The following CACNA2D2 variants were observed in gnomAD, a reference collection of about 807,000 sequenced individuals.
The protein encoded by CACNA2D2 is calcium voltage-gated channel auxiliary subunit alpha2delta 2, also known as voltage-dependent calcium channel subunit alpha-2/delta-2.
A neutral mutation model predicts 166.4 loss-of-function variants in CACNA2D2; 48 were observed. The ratio of observed to expected loss-of-function variants is 0.29; its 90% CI spans 0.23 to 0.37. The LOEUF is 0.37. CACNA2D2 is among the 10% of genes least tolerant of loss of function. The pLI, the probability that CACNA2D2 is intolerant of heterozygous loss-of-function variation, is 1.00. For missense variants in CACNA2D2, 1,122 were observed against 1,433.0 expected, an observed-to-expected ratio of 0.78 and a Z score of 3.50; for synonymous variants, 561 against 573.7, an observed-to-expected ratio of 0.98 and a Z score of 0.32.
chr3:50,454,139 C>A (rs1054055979), intron 2 of CACNA2D2, among the ~76,000 whole-genome samples: 2 of 152,244 alleles, frequency 1.3e-5, no homozygotes, highest in Non-Finnish European at 2.9e-5. Flanking sequence ...ATGGGCCACA[C>A]AGGCGCACCC....
chr3:50,404,211 T>A (rs1706582326), intron 3 of CACNA2D2, among the ~76,000 whole-genome samples: 1 of 151,868 alleles, frequency 6.6e-6, no homozygotes, highest in South Asian at 2.1e-4. Flanking sequence ...GGGGTGAAGG[T>A]GTGAGTGGGG....
At position 50,442,809 on chromosome 3, in the gene CACNA2D2, C is replaced by T. The variant is rs1447810143; in HGVS notation, c.289-8380G>A. ...TAGAGGGAGGAGGGCATGGACCCCA[C>T]TGGAGGGGCATCTGTTGCCTGAACT... On this transcript the variant is annotated intron_variant, in intron 2 of 37. Transcript: ENST00000424201. Among the ~76,000 whole-genome samples the T allele has an allele frequency of 3.9e-5, 6 of 152,190 alleles. No individual in the cohort carries two copies. In the South Asian group the frequency reaches 1.2e-3, roughly 32 times the overall value.
In CACNA2D2 at chr3:50,375,405, G is replaced by A. The variant is rs931208704; in HGVS notation, c.1907+239C>T. On this transcript the variant is annotated intron_variant, in intron 21 of 37. Transcript: ENST00000424201. This position sits in a 1 kb window ranked among gnomAD's most constrained non-coding sequence, Gnocchi z 4.0. Reference sequence around the variant, plus strand: ...GAGGCAGGCTGACAGCATGCCAAGGGCAGTATCCTGGGATGAGGAGACTTT... The same window carrying A: ...GAGGCAGGCTGACAGCATGCCAAGGACAGTATCCTGGGATGAGGAGACTTT... 5.9e-5 allele frequency among the ~76,000 whole-genome samples: 9 copies of A among 152,238 alleles called. No homozygotes were observed. The highest frequency in any genetic ancestry group is 2.2e-4 in the African/African-American group (9 of 41,454).
rs1370815868 is a variant in CACNA2D2, at chr3:50,502,400, A to G, written c.206+818T>C. ...CCACATGCACTGAACATCCACTCCC[A>G]GCCCCAGACACATCTGGCTAAGCTC... is the stretch of plus-strand genomic sequence containing the variant. On this transcript the variant is annotated intron_variant, in intron 1 of 37. Coordinates refer to ENST00000424201, the MANE Select transcript of CACNA2D2 (RefSeq NM_006030.4). 2.0e-5 allele frequency among the ~76,000 whole-genome samples: 3 copies of G among 152,250 alleles called. No homozygotes were observed. The East Asian group carries it at 5.8e-4, about 29-fold the overall frequency.
chr3:50,442,680 A>G (rs1242176602), intron 2 of CACNA2D2, among the ~76,000 whole-genome samples: 1 of 152,168 alleles, frequency 6.6e-6, no homozygotes, highest in East Asian at 1.9e-4. Flanking sequence ...GCTCCCTGCA[A>G]CCTCACCCAC....
intron 2 of CACNA2D2, among the ~76,000 whole-genome samples, chr3:50,453,182 T>C (rs1709188784): frequency 6.6e-6 from 1 of 152,138 alleles, no homozygotes; most frequent in Non-Finnish European, 1.5e-5. Flanking sequence ...TACTTGGCCT[T>C]TGTCCATGCT....
chr3:50,473,398 C>T (rs557984126), intron 2 of CACNA2D2, among the ~76,000 whole-genome samples: 6 of 152,204 alleles, frequency 3.9e-5, no homozygotes, highest in South Asian at 4.1e-4. Flanking sequence ...GATGGAGGCA[C>T]GCAGGCTGGG....
intron 1 of CACNA2D2, among the ~76,000 whole-genome samples, chr3:50,498,703 GGAAA>G (rs2107186061): frequency 1.3e-5 from 2 of 152,358 alleles, no homozygotes; most frequent in Non-Finnish European, 2.9e-5. Flanking sequence ...ACCCAGAGGA[GGAAA>G]GAGAGACAGA....
chr3:50,391,929 G>A (rs762894), intron 4 of CACNA2D2, among the ~76,000 whole-genome samples: 1,756 of 152,334 alleles, frequency 0.012, 33 homozygotes, highest in African/African-American at 0.04. Flanking sequence ...GGCTGTGGGG[G>A]CCGATCTTAG....
At position 50,407,389 on chromosome 3, in the gene CACNA2D2, G is replaced by A. The variant is rs527618603; in HGVS notation, c.406-13221C>T. 6.1e-3 allele frequency among the ~76,000 whole-genome samples: 932 copies of A among 151,804 alleles called. 102 individuals are homozygous for A. In the East Asian group the frequency reaches 0.17, roughly 28 times the overall value. ...GACTTCCTAGGCCTGCCACTCGTGG[G>A]CTCTGACCCCTGCTCTGACCCTGTT... On this transcript the variant is annotated intron_variant, in intron 3 of 37. Coordinates refer to ENST00000424201, the MANE Select transcript of CACNA2D2 (RefSeq NM_006030.4).
At chr3:50,437,417 A>G (rs1708400461) in intron 2 of CACNA2D2, among the ~76,000 whole-genome samples, 1 of 152,060 alleles carries the variant, frequency 6.6e-6, no homozygotes, top group Admixed American at 6.5e-5. Context: ...CTGAGAGGAG[A>G]GCAGAATCCC....
rs576031648 is a variant in CACNA2D2 at position 50,449,777 on chromosome 3, C to T, written c.289-15348G>A. On this transcript the variant is annotated intron_variant, in intron 2 of 37. Transcript: ENST00000424201. ...TGGCCTGGGGCGGGGGGAGCCTGTA[C>T]TCCCAGGACTGCCCACCACACTCCC... 2.6e-5 allele frequency among the ~76,000 whole-genome samples: 4 copies of T among 152,300 alleles called. No homozygotes were observed. In the East Asian group the frequency reaches 5.8e-4, roughly 22 times the overall value.
At chr3:50,454,348 G>T (rs1709252092) in intron 2 of CACNA2D2, among the ~76,000 whole-genome samples, 1 of 152,204 alleles carries the variant, frequency 6.6e-6, no homozygotes, top group East Asian at 1.9e-4. Flanking sequence ...GTTGATGGGG[G>T]AGACTCGGGC....
At chr3:50,441,582 GCCCTA>G (rs1333417644) in intron 2 of CACNA2D2, among the ~76,000 whole-genome samples, 1 of 152,260 alleles carries the variant, frequency 6.6e-6, no homozygotes, top group Non-Finnish European at 1.5e-5. Flanking sequence ...TGTGAGGCCT[GCCCTA>G]AATGTGCCCC....
chr3:50,380,922 C>A lies in CACNA2D2; in HGVS notation c.784+73G>T. 6.3e-7 allele frequency: 1 copy of A among 1,590,620 alleles called. No individual in the cohort carries two copies. The highest frequency in any genetic ancestry group is 1.3e-5 in the African/African-American group (1 of 74,662). On this transcript the variant is annotated intron_variant, in intron 7 of 37. Coordinates refer to ENST00000424201, the MANE Select transcript of CACNA2D2 (RefSeq NM_006030.4). The surrounding 1 kb of genome is among the most constrained non-coding windows in gnomAD (Gnocchi z 4.9). Reference sequence around the variant, plus strand: ...CAGAGAAGCCACCCCGCCCCATGCCCCCAGGATGGGTGGGCTGGTAGATGG... The same window carrying A: ...CAGAGAAGCCACCCCGCCCCATGCCACCAGGATGGGTGGGCTGGTAGATGG...
At position 50,376,713 on chromosome 3, in the gene CACNA2D2, G is replaced by C. The variant is rs1024296631; in HGVS notation, c.1627-525C>G. Among the ~76,000 whole-genome samples, 8 of 152,166 alleles carry C rather than the reference G, an allele frequency of 5.3e-5. No individual in the cohort carries two copies. The highest frequency in any genetic ancestry group is 1.5e-5 in the Non-Finnish European group (1 of 68,016). ...CCCCAGTCAGTTTCTTACTGTACCT[G>C]GAGGCCAACTGCCACAGCCCCTGCC... On this transcript the variant is annotated intron_variant, in intron 17 of 37. Coordinates refer to ENST00000424201, the MANE Select transcript of CACNA2D2 (RefSeq NM_006030.4). The surrounding 1 kb of genome is among the most constrained non-coding windows in gnomAD (Gnocchi z 4.3).
At chr3:50,467,887 G>C (rs1316011072) in intron 2 of CACNA2D2, among the ~76,000 whole-genome samples, 1 of 152,236 alleles carries the variant, frequency 6.6e-6, no homozygotes, top group Non-Finnish European at 1.5e-5. Context: ...CACACTCAGA[G>C]AAGGTGGAGA....
At chr3:50,440,965 G>A (rs1238259934) in intron 2 of CACNA2D2, among the ~76,000 whole-genome samples, 1 of 152,126 alleles carries the variant, frequency 6.6e-6, no homozygotes, top group Non-Finnish European at 1.5e-5. Context: ...GGGTGGACAG[G>A]GACGAGGGAC....
At chr3:50,444,863 C>T (rs1272380496) in intron 2 of CACNA2D2, among the ~76,000 whole-genome samples, 1 of 152,190 alleles carries the variant, frequency 6.6e-6, no homozygotes, top group East Asian at 1.9e-4. Flanking sequence ...ATCCCAGGGA[C>T]CTGCCCTGTA....
Sources: allele counts gnomAD v4.1 joint callset (sites outside exome capture counted in the v4.1 genomes callset), GRCh38; gene constraint gnomAD v4.1.1; non-coding constraint Gnocchi (gnomAD v3.1); transcripts MANE v1.5; gene names NCBI Gene and HGNC (gene_info 2026-07-23, HGNC 2026-07-21).